Variants in BCAS3 observed in about 807,000 individuals in gnomAD.
BCAS3 encodes BCAS4/BCAS3 fusion.
A neutral mutation model predicts 116.1 loss-of-function variants in BCAS3; 53 were observed. That is an observed-to-expected ratio of 0.46 (90% CI 0.37 to 0.57). BCAS3 has a LOEUF of 0.57. Ranked by LOEUF, BCAS3 falls within the 20% of genes least tolerant of loss-of-function variation. BCAS3 has a pLI of 0.00. For synonymous variants in BCAS3, 391 were observed against 408.2 expected (o/e 0.96, Z 0.51); for missense variants, 917 against 1,165.4 (o/e 0.79, Z 3.10).
rs372503673 is a variant in BCAS3 at position 61,007,604 on chromosome 17, A to G, written c.1487-8147A>G. On this transcript the variant is annotated intron_variant, in intron 15 of 23. Transcript: ENST00000407086. This position sits in a 1 kb window ranked among gnomAD's most constrained non-coding sequence, Gnocchi z 4.3. ...CTCCTGAAAGTACACTTTTAATTCT[A>G]GTGACATTTAATAAGCCCTAGGCAA... 2.9e-4 allele frequency among the ~76,000 whole-genome samples: 44 copies of G among 152,084 alleles called. No homozygotes were observed. In the East Asian group the frequency reaches 4.4e-3, roughly 15 times the overall value.
At chr17:60,987,489 A>G (rs1383503235) in intron 14 of BCAS3, among the ~76,000 whole-genome samples, 2 of 150,958 alleles carry the variant, frequency 1.3e-5, no homozygotes, top group African/African-American at 4.9e-5. Flanking sequence ...ATATCTTTCT[A>G]TTTTCTTGTG....
At chr17:61,036,618 G>C (rs1241967856) in intron 17 of BCAS3, among the ~76,000 whole-genome samples, 2 of 152,050 alleles carry the variant, frequency 1.3e-5, no homozygotes, top group Non-Finnish European at 2.9e-5. Context: ...TCTCAAATCA[G>C]CTGTAATTGA....
chr17:61,187,028 C>T (rs1376154273), intron 22 of BCAS3, among the ~76,000 whole-genome samples: 3 of 152,094 alleles, frequency 2.0e-5, no homozygotes, highest in Admixed American at 2.0e-4. Flanking sequence ...CTTTATTCTT[C>T]CAGAAATGTT....
Position 61,077,843 on chromosome 17 carries a change from T to C in BCAS3, c.2131-490T>C, listed in dbSNP as rs1444134599. On this transcript the variant is annotated intron_variant, in intron 20 of 23. Transcript: ENST00000407086. This position sits in a 1 kb window ranked among gnomAD's most constrained non-coding sequence, Gnocchi z 4.3. Reference sequence around the variant, plus strand: ...AATTATTTCAGACCTTTACTTTTCCTTGGATGGTTCAAGAACAACTTCACG... The same window carrying C: ...AATTATTTCAGACCTTTACTTTTCCCTGGATGGTTCAAGAACAACTTCACG... 3.9e-5 allele frequency among the ~76,000 whole-genome samples: 6 copies of C among 152,204 alleles called. No homozygotes were observed. Among genetic ancestry groups the C allele is most frequent in the South Asian group, 4.1e-4 (2 of 4,832 alleles).
At chr17:61,296,951 C>G (rs1298337111) in intron 22 of BCAS3, among the ~76,000 whole-genome samples, 2 of 152,122 alleles carry the variant, frequency 1.3e-5, no homozygotes, top group Non-Finnish European at 2.9e-5. Flanking sequence ...GGGGAGTCCC[C>G]TTGGAATTTT....
At chr17:60,745,673 A>G (rs1021475850) in intron 5 of BCAS3, among the ~76,000 whole-genome samples, 6 of 152,110 alleles carry the variant, frequency 3.9e-5, no homozygotes, top group Admixed American at 6.5e-5. Flanking sequence ...ATAAGTTCTT[A>G]TAGTTTGGAA....
intron 6 of BCAS3, among the ~76,000 whole-genome samples, chr17:60,780,306 T>TTTA (rs2045703358): frequency 6.7e-6 from 1 of 148,930 alleles, no homozygotes; most frequent in African/African-American, 2.5e-5. Flanking sequence ...TTTTTTTTTT[T>TTTA]AATTTTTTGA....
chr17:60,944,098 C>A (rs1599861373), intron 13 of BCAS3, among the ~76,000 whole-genome samples: 1 of 151,584 alleles, frequency 6.6e-6, no homozygotes, highest in East Asian at 1.9e-4. Flanking sequence ...AGCAAATGAA[C>A]CCAAAACAAG....
At chr17:60,876,397 C>A (rs568291255) in intron 9 of BCAS3, among the ~76,000 whole-genome samples, 20 of 152,040 alleles carry the variant, frequency 1.3e-4, no homozygotes, top group African/African-American at 4.8e-4. Context: ...TGTTTTAATC[C>A]TATATATCTT....
chr17:61,040,732 T>G, intron 18 of BCAS3, 60 bp from the exon 19 acceptor site: 1 of 1,352,672 alleles, frequency 7.4e-7, no homozygotes, highest in Non-Finnish European at 1.1e-6. Context: ...ATGACAGTCA[T>G]GGTGATTTAC....
At chr17:61,288,551 A>G (rs776423628) in intron 22 of BCAS3, among the ~76,000 whole-genome samples, 8 of 152,154 alleles carry the variant, frequency 5.3e-5, no homozygotes, top group Non-Finnish European at 1.2e-4. Flanking sequence ...TGATCTTTTA[A>G]AAGTTGAAGT....
chr17:60,941,790 T>A (rs933372676), intron 13 of BCAS3, among the ~76,000 whole-genome samples: 3 of 152,222 alleles, frequency 2.0e-5, no homozygotes, highest in African/African-American at 7.2e-5. Flanking sequence ...CATTTGTGAT[T>A]TTCATTCATA....
intron 22 of BCAS3, among the ~76,000 whole-genome samples, chr17:61,116,234 A>C (rs1041133941): frequency 7.5e-6 from 1 of 133,870 alleles, no homozygotes; most frequent in Non-Finnish European, 1.6e-5. Flanking sequence ...TAAAACTTAA[A>C]GTATAATAAA....
In BCAS3 at chr17:61,322,250, A is replaced by G. The variant is rs192740791; in HGVS notation, c.2426-46077A>G. 3.9e-5 allele frequency among the ~76,000 whole-genome samples: 6 copies of G among 152,228 alleles called. No homozygotes were observed. The East Asian group carries it at 1.2e-3, about 29-fold the overall frequency. ...CACCCGGCCCCACTTATTTCCTCAG[A>G]TTAGTATTGGGAGGCGTGAGTGACC... On this transcript the variant is annotated intron_variant, in intron 22 of 23. Coordinates refer to ENST00000407086, the MANE Select transcript of BCAS3 (RefSeq NM_017679.5).
At chr17:60,771,231 G>A (rs866603200) in intron 6 of BCAS3, among the ~76,000 whole-genome samples, 2 of 151,576 alleles carry the variant, frequency 1.3e-5, no homozygotes, top group East Asian at 1.9e-4. Context: ...AAGTAGCTTC[G>A]TTTCTATTTT....
intron 19 of BCAS3, among the ~76,000 whole-genome samples, chr17:61,062,856 GA>G (rs1456327885): frequency 6.6e-6 from 1 of 152,086 alleles, no homozygotes; most frequent in Non-Finnish European, 1.5e-5. Flanking sequence ...GAAGCAAAAA[GA>G]AGTCTGAAGG....
At position 61,362,578 on chromosome 17, in the gene BCAS3, G is replaced by A. The variant is rs1049827573; in HGVS notation, c.2426-5749G>A. ...ACAATGGTGTACAAAGGCAAAGCAC[G>A]TGTTCCCCCAGCCTCCCCAGGAGCT... On this transcript the variant is annotated intron_variant, in intron 22 of 23. Coordinates refer to ENST00000407086, the MANE Select transcript of BCAS3 (RefSeq NM_017679.5). This position sits in a 1 kb window ranked among gnomAD's most constrained non-coding sequence, Gnocchi z 4.4. 5.9e-5 allele frequency among the ~76,000 whole-genome samples: 9 copies of A among 152,300 alleles called. No individual in the cohort carries two copies. The highest frequency in any genetic ancestry group is 2.1e-4 in the South Asian group (1 of 4,832).
chr17:61,134,884 A>C lies in BCAS3; in HGVS notation c.2425+50320A>C, dbSNP rs146247768. On this transcript the variant is annotated intron_variant, in intron 22 of 23. Coordinates refer to ENST00000407086, the MANE Select transcript of BCAS3 (RefSeq NM_017679.5). The surrounding 1 kb of genome is among the most constrained non-coding windows in gnomAD (Gnocchi z 4.6). ...GGTTAATACTCTACTTTTCTCTTAG[A>C]TTGTTGTTTTGTTTTTTTTTGAAAT... 3.6e-3 allele frequency among the ~76,000 whole-genome samples: 547 copies of C among 152,240 alleles called. 6 individuals are homozygous for C. Among genetic ancestry groups the C allele is most frequent in the African/African-American group, 0.013 (530 of 41,534 alleles).
Position 60,956,150 on chromosome 17 carries a change from A to G in BCAS3, c.1221+8798A>G, listed in dbSNP as rs773933696. ...AGATTCCTATTTTATTCAATGGATTATATTTGTTCAATAATTACTTATTAT... is the reference window on the plus strand; with the variant it reads ...AGATTCCTATTTTATTCAATGGATTGTATTTGTTCAATAATTACTTATTAT... On this transcript the variant is annotated intron_variant, in intron 14 of 23. Transcript: ENST00000407086. This position sits in a 1 kb window ranked among gnomAD's most constrained non-coding sequence, Gnocchi z 4.2. Among the ~76,000 whole-genome samples the G allele has an allele frequency of 2.0e-5, 3 of 152,200 alleles. No homozygotes were observed. Among genetic ancestry groups the G allele is most frequent in the Non-Finnish European group, 4.4e-5 (3 of 68,028 alleles).
Sources: allele counts gnomAD v4.1 joint callset (sites outside exome capture counted in the v4.1 genomes callset), GRCh38; gene constraint gnomAD v4.1.1; non-coding constraint Gnocchi (gnomAD v3.1); transcripts MANE v1.5; gene names NCBI Gene and HGNC (gene_info 2026-07-23, HGNC 2026-07-21).